NSG1: variants seen among roughly 807,000 people sequenced by gnomAD.
The protein encoded by NSG1 is neuronal vesicle trafficking associated 1.
In NSG1, 9 loss-of-function variants were observed where a neutral mutation model predicts 19.3. The ratio of observed to expected loss-of-function variants is 0.47; its 90% confidence interval spans 0.28 to 0.81. The LOEUF (loss-of-function observed/expected upper bound fraction) is 0.81. NSG1 is among the 40% of genes least tolerant of loss of function. The probability of loss-of-function intolerance (pLI) is 0.11; values close to 1 mark genes in which losing one functional copy is unlikely to be tolerated. For missense variants in NSG1, 236 were observed against 242.4 expected (o/e 0.97, Z 0.18); for synonymous variants, 104 against 107.0 (o/e 0.97, Z 0.17).
chr4:4,412,957 TA>T (rs1389141047), intron 4 of NSG1, among the ~76,000 whole-genome samples: 2 of 152,286 alleles, frequency 1.3e-5, no homozygotes, highest in African/African-American at 4.8e-5. Flanking sequence ...CTTACGCGAT[TA>T]GCAGGAAAGG....
At chr4:4,410,830 C>G (rs1396963227) in intron 4 of NSG1, among the ~76,000 whole-genome samples, 2 of 152,258 alleles carry the variant, frequency 1.3e-5, no homozygotes, top group East Asian at 3.9e-4. Context: ...ATAAATTAAC[C>G]TGAGCTCACT....
intron 3 of NSG1, among the ~76,000 whole-genome samples, chr4:4,407,184 C>T (rs1269283330): frequency 1.3e-5 from 2 of 152,192 alleles, no homozygotes; most frequent in African/African-American, 4.8e-5. Context: ...AGGGTGATGG[C>T]CCTGAGAAGG....
chr4:4,418,467 A>G lies in NSG1; in HGVS notation c.*1032A>G, dbSNP rs1477748037. The G allele has an allele frequency of 1.3e-5, 2 of 152,674 alleles. No individual in the cohort carries two copies. Among genetic ancestry groups the G allele is most frequent in the Non-Finnish European group, 1.5e-5 (1 of 68,044 alleles). 9.5% of individuals were successfully genotyped at this position (152,674 alleles called of 1,614,324 possible). ...GACTGGTGTGGCACCGTGCAAACAA[A>G]ATGACAAATTTCAACTCACAATCTT... On this transcript the variant is annotated 3_prime_UTR_variant, in exon 5 of 5. Transcript: ENST00000621129.
At chr4:4,411,152 A>G (rs7673506) in intron 4 of NSG1, among the ~76,000 whole-genome samples, 53,608 of 152,070 alleles carry the variant, frequency 0.35, 13,168 homozygotes, top group African/African-American at 0.7. Context: ...CACCACACTC[A>G]GCCAATAAAC....
Position 4,387,749 on chromosome 4 carries a change from C to T in NSG1, c.120C>T (p.Pro40=), listed in dbSNP as rs1722806453. The T allele has an allele frequency of 6.2e-7, 1 of 1,608,174 alleles. No individual in the cohort carries two copies. Among genetic ancestry groups the T allele is most frequent in the Admixed American group, 1.7e-5 (1 of 59,944 alleles). The change falls in exon 2 of 5, where the codon CCC becomes CCT. Residue 40 remains proline (P), a synonymous_variant. Coordinates refer to ENST00000621129, the MANE Select transcript of NSG1 (RefSeq NM_014392.5). The stretch of plus-strand genomic sequence containing the variant: ...ATGTCAATCAGCTGCAGTTCCCGCC[C>T]CCGGATAAGGTAAGCCCCCCCACGC... ...PLDVNQLQFP[P]PDKVVVKTKT... is the part of the protein sequence containing the mutation.
chr4:4,405,039 C>T (rs970420456), intron 3 of NSG1, among the ~76,000 whole-genome samples: 1 of 152,164 alleles, frequency 6.6e-6, no homozygotes, highest in Non-Finnish European at 1.5e-5. Context: ...GTACCACAAA[C>T]TGGGGGGACT....
chr4:4,395,550 C>T (rs1411857611), intron 3 of NSG1, among the ~76,000 whole-genome samples: 3 of 152,148 alleles, frequency 2.0e-5, no homozygotes. Flanking sequence ...GTCTCTCTTT[C>T]TGAAACGGGA....
chr4:4,415,711 TGAGCGGG>T (rs2108757384), intron 4 of NSG1: 2 of 154,976 alleles, frequency 1.3e-5, no homozygotes, highest in Non-Finnish European at 2.8e-5. Flanking sequence ...ATGCCAGCCC[TGAGCGGG>T]GCCGCCACTC....
At chr4:4,410,690 C>CAGGG (rs1463183786) in intron 4 of NSG1, among the ~76,000 whole-genome samples, 1 of 152,126 alleles carries the variant, frequency 6.6e-6, no homozygotes, top group Non-Finnish European at 1.5e-5. Flanking sequence ...GGAAGCTGGT[C>CAGGG]TGGGTGGGTG....
intron 2 of NSG1, among the ~76,000 whole-genome samples, chr4:4,388,804 G>T (rs1405450403): frequency 6.6e-6 from 1 of 152,216 alleles, no homozygotes; most frequent in South Asian, 2.1e-4. Flanking sequence ...CAGCTTTATT[G>T]TGTGTGTCGT....
intron 1 of NSG1, 39 bp from the exon 2 acceptor site, chr4:4,387,564 GT>G: frequency 1.6e-6 from 2 of 1,279,430 alleles, no homozygotes; most frequent in Non-Finnish European, 2.2e-6. Context: ...CCCGCCCCGG[GT>G]CTTGCTTGTG....
Position 4,387,147 on chromosome 4 carries a change from C to G in NSG1, c.-53C>G, listed in dbSNP as rs10015223. On this transcript the variant is annotated 5_prime_UTR_variant, in exon 1 of 5. Coordinates refer to ENST00000621129, the MANE Select transcript of NSG1 (RefSeq NM_014392.5). Reference sequence around the variant, plus strand: ...CAGGAGACGCGGAGCTCGGAGCGCTCAGCTGACCTGCCGGAGCCGGGCGTG... The same window carrying G: ...CAGGAGACGCGGAGCTCGGAGCGCTGAGCTGACCTGCCGGAGCCGGGCGTG... 146,875 of 153,138 alleles carry G rather than the reference C, an allele frequency of 0.96. 70,507 individuals are homozygous for G. The highest frequency in any genetic ancestry group is 1 in the East Asian group (5,155 of 5,158). 9.5% of individuals were successfully genotyped at this position (153,138 alleles called of 1,614,324 possible).
At chr4:4,401,297 A>G (rs1192822631) in intron 3 of NSG1, among the ~76,000 whole-genome samples, 1 of 152,196 alleles carries the variant, frequency 6.6e-6, no homozygotes, top group Non-Finnish European at 1.5e-5. Flanking sequence ...CTAGTTTGTC[A>G]CAAAGTGGCA....
At chr4:4,397,565 C>T (rs909602128) in intron 3 of NSG1, among the ~76,000 whole-genome samples, 2 of 152,222 alleles carry the variant, frequency 1.3e-5, no homozygotes, top group African/African-American at 2.4e-5. Context: ...AGGCCGCTCA[C>T]GCTTCCCTGT....
chr4:4,411,605 A>T (rs528077183), intron 4 of NSG1, among the ~76,000 whole-genome samples: 1 of 152,100 alleles, frequency 6.6e-6, no homozygotes, highest in African/African-American at 2.4e-5. Flanking sequence ...TTAGCCAGGC[A>T]TGGTGGCGGG....
At chr4:4,387,319 G>C (rs1407837590) in intron 1 of NSG1, 146 bp downstream of exon 1, 2 of 328,422 alleles carry the variant, frequency 6.1e-6, no homozygotes, top group South Asian at 1.0e-4. Context: ...CAGGACCGGG[G>C]ACCGGGTCTG....
In NSG1 at chr4:4,409,671, G is replaced by T. The variant is rs763409471; in HGVS notation, c.345G>T (p.Gly115=). 81 of 1,613,808 alleles carry T rather than the reference G, an allele frequency of 5.0e-5. No individual in the cohort carries two copies. Among genetic ancestry groups the T allele is most frequent in the Non-Finnish European group, 6.8e-5 (80 of 1,179,794 alleles). ...AGTATGACCGCGCCTGCCCCGATGG[G>T]TTCGTCCTCAAGGTAAAACTCCGTT... ...VYKYDRACPD[G]FVLKNTQCIP... is the part of the protein sequence containing the mutation. Residue 115 remains glycine (G), a synonymous_variant, in exon 4 of 5, where the codon GGG becomes GGT. Coordinates refer to ENST00000621129, the MANE Select transcript of NSG1 (RefSeq NM_014392.5).
At chr4:4,416,179 A>T in intron 4 of NSG1, 1 of 702,382 alleles carries the variant, frequency 1.4e-6, no homozygotes, top group Middle Eastern at 2.3e-4. Flanking sequence ...ATTGAGAGAG[A>T]AAACACTCCG....
Position 4,391,189 on chromosome 4 carries a change from C to A in NSG1, c.130-286C>A, listed in dbSNP as rs557050730. Among the ~76,000 whole-genome samples, 5 of 152,334 alleles carry A rather than the reference C, an allele frequency of 3.3e-5. No homozygotes were observed. The South Asian group carries it at 8.3e-4, about 25-fold the overall frequency. ...TTAGGAGTCAGCTGCCAGGCTGCAT[C>A]CCCGCCCTGCCGCCTATAAACCGCA... On this transcript the variant is annotated intron_variant, in intron 2 of 4. Coordinates refer to ENST00000621129, the MANE Select transcript of NSG1 (RefSeq NM_014392.5).
Sources: gnomAD v4.1 joint callset for allele counts (sites outside exome capture counted in the v4.1 genomes callset) on GRCh38, gnomAD v4.1.1 for gene constraint, MANE v1.5 for transcripts, NCBI Gene and HGNC (gene_info 2026-07-23, HGNC 2026-07-21) for gene names.